Variants in SMPDL3A observed in about 807,000 individuals in gnomAD.
SMPDL3A encodes the protein cyclic GMP-AMP phosphodiesterase SMPDL3A.
Under a neutral mutation model 38.5 loss-of-function variants are expected in SMPDL3A, and 39 were observed. That is an observed-to-expected ratio of 1.01 (90% CI 0.78 to 1.32). The LOEUF (loss-of-function observed/expected upper bound fraction) is 1.32. Ranked by LOEUF, SMPDL3A falls within the 40% of genes most tolerant of loss-of-function variation. The pLI, the probability that SMPDL3A is intolerant of heterozygous loss-of-function variation, is 0.00. For missense variants in SMPDL3A, 502 were observed against 536.2 expected (o/e 0.94, Z 0.63); for synonymous variants, 180 against 194.3 (o/e 0.93, Z 0.61).
chr6:122,793,346 A>G (rs1781138453), intron 1 of SMPDL3A, among the ~76,000 whole-genome samples: 2 of 152,318 alleles, frequency 1.3e-5, no homozygotes, highest in South Asian at 2.1e-4. Context: ...ATCACATAGC[A>G]AGATTAGTGG....
intron 1 of SMPDL3A, among the ~76,000 whole-genome samples, chr6:122,792,985 C>T (rs1781126726): frequency 6.6e-6 from 1 of 152,162 alleles, no homozygotes; most frequent in Non-Finnish European, 1.5e-5. Flanking sequence ...AGTCAGATTT[C>T]CTGAATTCAT....
intron 1 of SMPDL3A, among the ~76,000 whole-genome samples, chr6:122,791,044 C>G (rs1270008773): frequency 1.6e-4 from 25 of 152,200 alleles, no homozygotes; most frequent in Admixed American, 1.4e-3. Context: ...TCACAATTCT[C>G]CTTGTTTGTA....
rs530945848 is a variant in SMPDL3A at position 122,809,264 on chromosome 6, C to T, written c.1218C>T (p.Tyr406=). ...TAGACAGTAAGCAGTTTATAAAATA[C>T]TACAATTACTTCTTTGTGAGTTATG... The part of the protein sequence containing the change: ...TILDSKQFIK[Y]YNYFFVSYDS... Residue 406 remains tyrosine, a synonymous_variant, in exon 8 of 8, where the codon TAC becomes TAT. Transcript: ENST00000368440. The T allele has an allele frequency of 1.2e-6, 2 of 1,614,028 alleles. No homozygotes were observed. Among genetic ancestry groups the T allele is most frequent in the South Asian group, 1.1e-5 (1 of 91,078 alleles).
chr6:122,791,757 A>C (rs12528569), intron 1 of SMPDL3A, among the ~76,000 whole-genome samples: 1 of 152,238 alleles, frequency 6.6e-6, no homozygotes, highest in African/African-American at 2.4e-5. Context: ...GCAGTGGCGC[A>C]ATCTCGGCTC....
chr6:122,789,828 G>T (rs59094105), intron 1 of SMPDL3A: 111,890 of 984,634 alleles, frequency 0.11, 8,242 homozygotes, highest in African/African-American at 0.35. Context: ...AGGAAGCTGG[G>T]AGTCCGATGT....
intron 7 of SMPDL3A, among the ~76,000 whole-genome samples, chr6:122,808,340 A>G (rs1021163797): frequency 2.6e-5 from 4 of 152,188 alleles, no homozygotes; most frequent in Non-Finnish European, 5.9e-5. Context: ...GACAATTTCA[A>G]GCTACCAAAG....
intron 7 of SMPDL3A, among the ~76,000 whole-genome samples, chr6:122,808,630 CCTTCCTTCCTTCCCCCCCT>C (rs1781733725): frequency 1.7e-5 from 1 of 59,890 alleles, no homozygotes; most frequent in Non-Finnish European, 3.3e-5. Context: ...TTCCTTCCTT[CCTTCCTTCCTTCCCCCCCT>C]CCTCCCCCCT....
At chr6:122,808,878 G>C (rs2115179818) in intron 7 of SMPDL3A, among the ~76,000 whole-genome samples, 1 of 151,774 alleles carries the variant, frequency 6.6e-6, no homozygotes, top group African/African-American at 2.4e-5. Flanking sequence ...ATTTTTGGTA[G>C]AGATGGGGTT....
At position 122,789,782 on chromosome 6, in the gene SMPDL3A, G is replaced by C. The variant is rs944214520; in HGVS notation, c.112+324G>C. The stretch of plus-strand genomic sequence containing the variant: ...CTGCATCTCAGTTGTTTTGTTCCTT[G>C]GGGAAGGAAGGAAAAGCTGCGGGAC... On this transcript the variant is annotated intron_variant, in intron 1 of 7. Coordinates refer to ENST00000368440, the MANE Select transcript of SMPDL3A (RefSeq NM_006714.5). The C allele has an allele frequency of 5.2e-6, 5 of 953,324 alleles. No individual in the cohort carries two copies. The African/African-American group carries it at 7.1e-5, about 13-fold the overall frequency. The allele number at this position is 953,324 out of a possible 1,614,324, so 59.1% of individuals were successfully genotyped here.
chr6:122,804,305 AT>A (rs1316831726), intron 5 of SMPDL3A, among the ~76,000 whole-genome samples: 68 of 114,184 alleles, frequency 6.0e-4, no homozygotes, highest in African/African-American at 8.3e-4. Context: ...TTAGTTTTAA[AT>A]TTTTTTTTTT....
rs553053413 is a variant in SMPDL3A, at chr6:122,807,423, T to C, written c.1044+1066T>C. On this transcript the variant is annotated intron_variant, in intron 7 of 7. Transcript: ENST00000368440. Reference sequence around the variant, plus strand: ...CTGAGGCAGGAGAATGGCGTGAACCTGGGAGGCAGAGCTTGCAGTGAGCCG... The same window carrying C: ...CTGAGGCAGGAGAATGGCGTGAACCCGGGAGGCAGAGCTTGCAGTGAGCCG... Among the ~76,000 whole-genome samples the C allele has an allele frequency of 1.8e-4, 27 of 152,180 alleles. No homozygotes were observed. The Middle Eastern group carries it at 0.01, about 58-fold the overall frequency.
intron 1 of SMPDL3A, among the ~76,000 whole-genome samples, chr6:122,791,724 C>T (rs545835752): frequency 6.6e-6 from 1 of 152,084 alleles, no homozygotes; most frequent in Admixed American, 6.5e-5. Context: ...GAGACAGTCT[C>T]GCCCTGTCAC....
intron 7 of SMPDL3A, among the ~76,000 whole-genome samples, chr6:122,808,593 TCCTCCCTCCCTC>T (rs143524380): frequency 5.6e-5 from 6 of 107,894 alleles, no homozygotes; most frequent in South Asian, 3.6e-4. Context: ...GAGCCTCCCT[TCCTCCCTCCCTC>T]CCTCCCTTCC....
chr6:122,805,169 T>A, intron 6 of SMPDL3A, 80 bp downstream of exon 6: 1 of 1,215,972 alleles, frequency 8.2e-7, no homozygotes, highest in Non-Finnish European at 1.1e-6. Flanking sequence ...TTTGCTGATT[T>A]AGTAAATTAA....
At chr6:122,807,494 G>A (rs1036384604) in intron 7 of SMPDL3A, among the ~76,000 whole-genome samples, 2 of 152,070 alleles carry the variant, frequency 1.3e-5, no homozygotes, top group African/African-American at 2.4e-5. Flanking sequence ...GCGAGACTCC[G>A]TCTCAAAATA....
chr6:122,797,301 A>C (rs1041827407), intron 3 of SMPDL3A: 2 of 213,702 alleles, frequency 9.4e-6, no homozygotes, highest in Non-Finnish European at 1.8e-5. Context: ...GTCCATGACA[A>C]GGTTAGCAAG....
At chr6:122,808,783 G>A (rs1781751705) in intron 7 of SMPDL3A, among the ~76,000 whole-genome samples, 1 of 151,926 alleles carries the variant, frequency 6.6e-6, no homozygotes. Flanking sequence ...CCGGGTTCAA[G>A]CGATTCTTCT....
intron 1 of SMPDL3A, among the ~76,000 whole-genome samples, chr6:122,791,687 T>A (rs1206769142): frequency 1.3e-5 from 2 of 152,086 alleles, no homozygotes. Context: ...AAAATTTATT[T>A]TATTATTTTA....
intron 3 of SMPDL3A, among the ~76,000 whole-genome samples, chr6:122,798,352 T>C (rs1781319558): frequency 6.6e-6 from 1 of 152,174 alleles, no homozygotes; most frequent in African/African-American, 2.4e-5. Flanking sequence ...ACACACATTG[T>C]GTTTATATGC....
Sources: gnomAD v4.1 joint callset for allele counts (sites outside exome capture counted in the v4.1 genomes callset) on GRCh38, gnomAD v4.1.1 for gene constraint, MANE v1.5 for transcripts, NCBI Gene and HGNC (gene_info 2026-07-23, HGNC 2026-07-21) for gene names.